Variants in CRTAM observed in about 807,000 individuals in gnomAD.
CRTAM encodes cytotoxic and regulatory T cell molecule.
CRTAM carries 44 observed loss-of-function variants against 50.0 expected under a neutral mutation model. The ratio of observed to expected loss-of-function variants is 0.88; its 90% CI spans 0.69 to 1.13. CRTAM has a LOEUF of 1.13. Among genes scored for constraint, CRTAM ranks in the 50% most tolerant of loss-of-function variants. The pLI, the probability that CRTAM is intolerant of heterozygous loss-of-function variation, is 0.00. For synonymous variants in CRTAM, 159 were observed against 169.3 expected, an observed-to-expected ratio of 0.94 and a Z score of 0.47; for missense variants, 448 against 457.5, an observed-to-expected ratio of 0.98 and a Z score of 0.19.
At position 122,872,076 on chromosome 11, in the gene CRTAM, A is replaced by G. The variant is rs1414832920; in HGVS notation, c.*677A>G. On this transcript the variant is annotated 3_prime_UTR_variant, in exon 10 of 10. Coordinates refer to ENST00000227348, the MANE Select transcript of CRTAM (RefSeq NM_019604.4). The stretch of plus-strand genomic sequence containing the variant: ...CTTGAACCTGGGAGGTGGAGATTGC[A>G]GTGAGTCAAGATCTCACCACTGCAC... The G allele has an allele frequency of 1.3e-5, 2 of 152,284 alleles. No individual in the cohort carries two copies. Among genetic ancestry groups the G allele is most frequent in the East Asian group, 3.8e-4 (2 of 5,198 alleles). The allele number at this position is 152,284 out of a possible 1,614,324, so 9.4% of individuals were successfully genotyped here. A position where few individuals can be genotyped will look rare whatever the true frequency, so the allele number is the denominator to read the frequency against.
intron 1 of CRTAM, among the ~76,000 whole-genome samples, chr11:122,842,840 G>A (rs543501682): frequency 2.6e-5 from 4 of 152,246 alleles, no homozygotes; most frequent in East Asian, 1.9e-4. Flanking sequence ...CTCTAGAATG[G>A]GGCAGGTGGC....
At chr11:122,868,185 A>AAT (rs1272595875) in intron 9 of CRTAM, 86 bp downstream of exon 9, 2 of 644,350 alleles carry the variant, frequency 3.1e-6, no homozygotes, top group Admixed American at 2.3e-5. Flanking sequence ...GAGACAACAG[A>AAT]ATATGTGTGT....
rs1370444730 is a variant in CRTAM, at chr11:122,850,178, C to T, written c.157C>T (p.Pro53Ser). 2 of 1,611,618 alleles carry T rather than the reference C, an allele frequency of 1.2e-6. No individual in the cohort carries two copies. Among genetic ancestry groups the T allele is most frequent in the South Asian group, 2.2e-5 (2 of 90,874 alleles). The change falls in exon 2 of 10, where the codon CCC becomes TCC. Residue 53 changes from proline to serine, a missense_variant. Physicochemically the swap from Pro to Ser is moderately conservative, Grantham distance 74 (BLOSUM62 -1). Coordinates refer to ENST00000227348, the MANE Select transcript of CRTAM (RefSeq NM_019604.4). ...GAACTCCTCCCTCCAGTGGCTGACC[C>T]CCTCAGGGTTCACCATTTTTTTAAA... ...RKNSSLQWLT[P>S]SGFTIFLNEY...
intron 1 of CRTAM, among the ~76,000 whole-genome samples, chr11:122,838,917 T>C (rs1040636035): frequency 6.6e-6 from 1 of 150,600 alleles, no homozygotes; most frequent in Non-Finnish European, 1.5e-5. Context: ...GTATTGAATT[T>C]TATTTTATTT....
chr11:122,857,376 C>T lies in CRTAM; in HGVS notation c.652+1520C>T, dbSNP rs898989305. Among the ~76,000 whole-genome samples, 4 of 152,270 alleles carry T rather than the reference C, an allele frequency of 2.6e-5. No individual in the cohort carries two copies. In the East Asian group the frequency reaches 7.7e-4, roughly 29 times the overall value. ...CCCAGCTACTTGGGAGGCTGAGGCA[C>T]AAGAATCGCTTGAACCCGAGAGGCG... On this transcript the variant is annotated intron_variant, in intron 5 of 9. Transcript: ENST00000227348.
chr11:122,841,029 A>C lies in CRTAM; in HGVS notation c.46+2437A>C, dbSNP rs529079272. Among the ~76,000 whole-genome samples, 7 of 152,268 alleles carry C rather than the reference A, an allele frequency of 4.6e-5. No homozygotes were observed. In the East Asian group the frequency reaches 1.4e-3, roughly 29 times the overall value. Reference sequence around the variant, plus strand: ...GATGCAGAAAACAAAGGAAAATTGCAAATTGAGTAGTTCTTTTCATACTTT... The same window carrying C: ...GATGCAGAAAACAAAGGAAAATTGCCAATTGAGTAGTTCTTTTCATACTTT... On this transcript the variant is annotated intron_variant, in intron 1 of 9. Transcript: ENST00000227348.
At chr11:122,868,382 G>A (rs1056434599) in intron 9 of CRTAM, among the ~76,000 whole-genome samples, 1 of 152,024 alleles carries the variant, frequency 6.6e-6, no homozygotes, top group African/African-American at 2.4e-5. Flanking sequence ...TCAGGGGACC[G>A]CCAGCGTTAA....
intron 5 of CRTAM, among the ~76,000 whole-genome samples, chr11:122,859,592 T>C (rs1862046531): frequency 6.6e-6 from 1 of 152,190 alleles, no homozygotes; most frequent in Non-Finnish European, 1.5e-5. Flanking sequence ...TTTAAATAAA[T>C]ATATAAAAAT....
chr11:122,843,915 C>T (rs1206344846), intron 1 of CRTAM, among the ~76,000 whole-genome samples: 1 of 152,176 alleles, frequency 6.6e-6, no homozygotes, highest in African/African-American at 2.4e-5. Flanking sequence ...CTCACTGGGG[C>T]TATTCTTCCC....
Position 122,850,098 on chromosome 11 carries a change from T to C in CRTAM, c.77T>C (p.Ile26Thr). 6.2e-7 allele frequency: 1 copy of C among 1,612,740 alleles called. No homozygotes were observed. The highest frequency in any genetic ancestry group is 8.5e-7 in the Non-Finnish European group (1 of 1,179,298). Residue 26 changes from isoleucine to threonine, a missense_variant, in exon 2 of 10, where the codon ATC (isoleucine) becomes ACC (threonine). By Grantham distance (89) the Ile-to-Thr change is moderately conservative. Transcript: ENST00000227348. ...EASLTNHTET[I>T]TVEEGQTLTL... ...TCTCTGACTAACCACACAGAAACCA[T>C]CACCGTGGAGGAAGGCCAGACGCTC...
At chr11:122,851,602 A>G in intron 2 of CRTAM, 91 bp from the exon 3 acceptor site, 1 of 1,121,160 alleles carries the variant, frequency 8.9e-7, no homozygotes, top group Non-Finnish European at 1.3e-6. Context: ...AAATGTAGAA[A>G]GCGGGGCAGT....
intron 9 of CRTAM, among the ~76,000 whole-genome samples, chr11:122,868,437 A>G (rs1231369087): frequency 6.6e-6 from 1 of 152,010 alleles, no homozygotes; most frequent in African/African-American, 2.4e-5. Flanking sequence ...TGCTGCCAGG[A>G]GAGAGGAGGG....
intron 5 of CRTAM, among the ~76,000 whole-genome samples, chr11:122,861,918 G>T (rs1862089306): frequency 6.6e-6 from 1 of 152,130 alleles, no homozygotes; most frequent in South Asian, 2.1e-4. Context: ...TTCATAAATA[G>T]CTAGGCATTG....
intron 6 of CRTAM, among the ~76,000 whole-genome samples, chr11:122,864,081 C>A (rs1446523988): frequency 6.6e-6 from 1 of 152,094 alleles, no homozygotes; most frequent in Non-Finnish European, 1.5e-5. Context: ...GGGAGGCAAG[C>A]AGAGGTTTGA....
chr11:122,865,843 T>C (rs1862165524), intron 7 of CRTAM, among the ~76,000 whole-genome samples: 1 of 152,250 alleles, frequency 6.6e-6, no homozygotes, highest in Admixed American at 6.5e-5. Context: ...TATGTGTATA[T>C]GTATATGCAT....
chr11:122,845,260 G>C (rs1861849602), intron 1 of CRTAM, among the ~76,000 whole-genome samples: 2 of 152,182 alleles, frequency 1.3e-5, no homozygotes, highest in African/African-American at 4.8e-5. Flanking sequence ...AATAAGATAT[G>C]GTCTGAGAAT....
intron 3 of CRTAM, among the ~76,000 whole-genome samples, chr11:122,852,179 T>G (rs1861939057): frequency 6.6e-6 from 1 of 152,152 alleles, no homozygotes; most frequent in Admixed American, 6.5e-5. Flanking sequence ...AGGCACAATC[T>G]CTGCCCATAA....
At chr11:122,839,710 T>G (rs1157163934) in intron 1 of CRTAM, among the ~76,000 whole-genome samples, 1 of 152,142 alleles carries the variant, frequency 6.6e-6, no homozygotes, top group Non-Finnish European at 1.5e-5. Context: ...ACAAATCCAC[T>G]CAAAAATTTT....
chr11:122,866,461 A>G (rs1213146587), intron 7 of CRTAM, among the ~76,000 whole-genome samples: 1 of 152,106 alleles, frequency 6.6e-6, no homozygotes, highest in East Asian at 1.9e-4. Flanking sequence ...TAATCCCCAA[A>G]GCATGTGAAC....
Sources: allele counts gnomAD v4.1 joint callset (sites outside exome capture counted in the v4.1 genomes callset), GRCh38; gene constraint gnomAD v4.1.1; transcripts MANE v1.5; gene names NCBI Gene and HGNC (gene_info 2026-07-23, HGNC 2026-07-21).